Variants in DCPS observed in about 807,000 individuals in gnomAD.
The protein encoded by DCPS is decapping enzyme, scavenger, also known as m7GpppX diphosphatase.
DCPS carries 27 observed loss-of-function variants against 34.7 expected under a neutral mutation model. The observed-to-expected ratio is 0.78, with a 90% CI of 0.57 to 1.07. The LOEUF (loss-of-function observed/expected upper bound fraction) is 1.07, where lower values mean the gene tolerates loss of function less well. Among genes scored for constraint, DCPS ranks in the 50% least tolerant of loss-of-function variants. The pLI, the probability that DCPS is intolerant of heterozygous loss-of-function variation, is 0.00. For synonymous variants in DCPS, 185 were observed against 185.7 expected, an observed-to-expected ratio of 1.00 and a Z score of 0.03; for missense variants, 464 against 436.9, an observed-to-expected ratio of 1.06 and a Z score of -0.55.
intron 2 of DCPS, among the ~76,000 whole-genome samples, chr11:126,330,487 A>G (rs537215643): frequency 6.6e-6 from 1 of 151,762 alleles, no homozygotes; most frequent in Non-Finnish European, 1.5e-5. Flanking sequence ...AGCTTTTACT[A>G]TCCTCATTTG....
chr11:126,343,492 TCCTCACCTTTC>T, intron 5 of DCPS, 75 bp downstream of exon 5: 1 of 1,238,864 alleles, frequency 8.1e-7, no homozygotes, highest in Middle Eastern at 1.9e-4. Context: ...TGGGCCCCTT[TCCTCACCTTTC>T]CCAGAGTCCA....
chr11:126,318,580 C>T (rs773222650), intron 2 of DCPS, among the ~76,000 whole-genome samples: 2 of 152,206 alleles, frequency 1.3e-5, no homozygotes, highest in Admixed American at 6.5e-5. Context: ...TTGCGAAGTC[C>T]GGTTATCTGA....
In DCPS at chr11:126,323,829, TG is replaced by T. The variant is rs1456362808; in HGVS notation, c.377-7575del. Among the ~76,000 whole-genome samples, 1 of 152,030 alleles carries T rather than the reference TG, an allele frequency of 6.6e-6. No homozygotes were observed. The highest frequency in any genetic ancestry group is 1.5e-5 in the Non-Finnish European group (1 of 68,018). On this transcript the variant is annotated intron_variant, in intron 2 of 5. Coordinates refer to ENST00000263579, the MANE Select transcript of DCPS (RefSeq NM_014026.6). This position sits in a 1 kb window ranked among gnomAD's most constrained non-coding sequence, Gnocchi z 4.4. ...GAGCCACCAAACCTGACCCTAAAGT[TG>T]TTTTTTTGTTTGTTTTTTGAGATGG...
chr11:126,319,900 G>A lies in DCPS; in HGVS notation c.377-11505G>A, dbSNP rs1372626107. Among the ~76,000 whole-genome samples the A allele has an allele frequency of 1.3e-5, 2 of 152,062 alleles. No homozygotes were observed. Among genetic ancestry groups the A allele is most frequent in the Non-Finnish European group, 2.9e-5 (2 of 68,024 alleles). On this transcript the variant is annotated intron_variant, in intron 2 of 5. Coordinates refer to ENST00000263579, the MANE Select transcript of DCPS (RefSeq NM_014026.6). This position sits in a 1 kb window ranked among gnomAD's most constrained non-coding sequence, Gnocchi z 4.5. ...CATCTCTGGGGCTCAGTTTTAAGGG[G>A]TAGCTTCCTTTTAACGTATTTGTTA... is the stretch of plus-strand genomic sequence containing the variant.
intron 4 of DCPS, 138 bp from the exon 5 acceptor site, chr11:126,343,169 C>CAGA (rs1048474983): frequency 3.0e-6 from 2 of 667,824 alleles, no homozygotes; most frequent in Non-Finnish European, 5.4e-6. Context: ...CCGGGGTATG[C>CAGA]AGATGCCCTG....
chr11:126,307,653 C>T (rs1014001676), intron 2 of DCPS, among the ~76,000 whole-genome samples: 2 of 152,120 alleles, frequency 1.3e-5, no homozygotes, highest in South Asian at 2.1e-4. Flanking sequence ...GTGATCCACC[C>T]GTCTTGGCCT....
rs1179855124 is a variant in DCPS, at chr11:126,323,376, T to C, written c.377-8029T>C. Among the ~76,000 whole-genome samples the C allele has an allele frequency of 6.6e-6, 1 of 152,160 alleles. No individual in the cohort carries two copies. The highest frequency in any genetic ancestry group is 1.9e-4 in the East Asian group (1 of 5,198). On this transcript the variant is annotated intron_variant, in intron 2 of 5. Coordinates refer to ENST00000263579, the MANE Select transcript of DCPS (RefSeq NM_014026.6). The surrounding 1 kb of genome is among the most constrained non-coding windows in gnomAD (Gnocchi z 4.4). ...GGTAGAAAGTTCAGCTTTAGAAACA[T>C]TGTGTTTATTTCCATTGTAATATTA...
rs201746166 is a variant in DCPS, at chr11:126,345,571, C to T, written c.972C>T (p.Asp324=). The T allele has an allele frequency of 1.3e-4, 214 of 1,613,588 alleles. No individual in the cohort carries two copies. The highest frequency in any genetic ancestry group is 5.8e-4 in the East Asian group (26 of 44,886). The change falls in exon 6 of 6, where the codon GAC becomes GAT. Residue 324 remains aspartate, a synonymous_variant. Transcript: ENST00000263579. This position sits in a 1 kb window ranked among gnomAD's most constrained non-coding sequence, Gnocchi z 7.4. The part of the protein sequence containing the change: ...QRTLTFALRA[D]DPLLKLLQEA... ...CGCTCACCTTCGCCCTCAGGGCTGA[C>T]GACCCCCTGCTCAAGCTCTTGCAGG...
intron 2 of DCPS, among the ~76,000 whole-genome samples, chr11:126,321,186 C>G (rs1456681128): frequency 6.7e-6 from 1 of 149,002 alleles, no homozygotes; most frequent in African/African-American, 2.5e-5. Context: ...GTCTGTTTGG[C>G]AGAGGTTGCA....
rs556652612 is a variant in DCPS, at chr11:126,344,167, C to T, written c.747+750C>T. 4.6e-5 allele frequency among the ~76,000 whole-genome samples: 7 copies of T among 152,280 alleles called. No individual in the cohort carries two copies. In the South Asian group the frequency reaches 1.5e-3, roughly 32 times the overall value. On this transcript the variant is annotated intron_variant, in intron 5 of 5. Transcript: ENST00000263579. This position sits in a 1 kb window ranked among gnomAD's most constrained non-coding sequence, Gnocchi z 8.1. ...GCTAGCAGTCACAACGATGCCCAGC[C>T]AGGAGAGAGGTTTGCCCCTTTTTGA...
chr11:126,314,416 C>CTTGCCTCTTTCTTATAGTCTGGTAGATT (rs1565372283), intron 2 of DCPS, among the ~76,000 whole-genome samples: 1 of 152,134 alleles, frequency 6.6e-6, no homozygotes, highest in African/African-American at 2.4e-5. Flanking sequence ...ACAACCATTA[C>CTTGCCTCTTTCTTATAGTCTGGTAGATT]GGGAAACAGT....
At position 126,306,764 on chromosome 11, in the gene DCPS, G is replaced by C; in HGVS notation, c.376+20G>C. 1 of 1,583,862 alleles carries C rather than the reference G, an allele frequency of 6.3e-7. No homozygotes were observed. ...TGAATGGTGAGCAAGAGGTGGCCAG[G>C]GTGGCTGTATGGAGGGAGAATGGGA... On this transcript the variant is annotated intron_variant, in intron 2 of 5. Coordinates refer to ENST00000263579, the MANE Select transcript of DCPS (RefSeq NM_014026.6).
rs538582128 is a variant in DCPS at position 126,342,970 on chromosome 11, T to C, written c.637-337T>C. On this transcript the variant is annotated intron_variant, in intron 4 of 5. Transcript: ENST00000263579. The surrounding 1 kb of genome is among the most constrained non-coding windows in gnomAD (Gnocchi z 4.4). ...CTGTAGTCCCAGCTACTTGGGAGGC[T>C]GAGGCAGAAGAATCGCTTGAACCCA... Among the ~76,000 whole-genome samples the C allele has an allele frequency of 6.7e-6, 1 of 149,966 alleles. No homozygotes were observed. The highest frequency in any genetic ancestry group is 2.1e-4 in the South Asian group (1 of 4,756).
chr11:126,313,946 G>T lies in DCPS; in HGVS notation c.376+7202G>T, dbSNP rs1951637921. On this transcript the variant is annotated intron_variant, in intron 2 of 5. Transcript: ENST00000263579. The surrounding 1 kb of genome is among the most constrained non-coding windows in gnomAD (Gnocchi z 4.9). ...AGATGGACTAGAAAGATCGTCCCAT[G>T]AATTTCAAGGGCTGCATCCTCATTC... Among the ~76,000 whole-genome samples, 1 of 152,204 alleles carries T rather than the reference G, an allele frequency of 6.6e-6. No homozygotes were observed. The highest frequency in any genetic ancestry group is 6.5e-5 in the Admixed American group (1 of 15,284).
At chr11:126,343,498 C>A (rs1024577761) in intron 5 of DCPS, 81 bp downstream of exon 5, 72 of 1,221,542 alleles carry the variant, frequency 5.9e-5, no homozygotes, top group Non-Finnish European at 8.0e-5. Context: ...CCTTTCCTCA[C>A]CTTTCCCAGA....
At position 126,335,461 on chromosome 11, in the gene DCPS, C is replaced by T; in HGVS notation, c.523-2825C>T. On this transcript the variant is annotated intron_variant, in intron 3 of 5. Transcript: ENST00000263579. This position sits in a 1 kb window ranked among gnomAD's most constrained non-coding sequence, Gnocchi z 4.8. Reference sequence around the variant, plus strand: ...TCATTCTCCTTTTTTTTTATCTGGGCCCCTGGCCTGGAGGCTTCCCGTGGA... The same window carrying T: ...TCATTCTCCTTTTTTTTTATCTGGGTCCCTGGCCTGGAGGCTTCCCGTGGA... 6.6e-6 allele frequency among the ~76,000 whole-genome samples: 1 copy of T among 152,146 alleles called. No homozygotes were observed. Among genetic ancestry groups the T allele is most frequent in the East Asian group, 1.9e-4 (1 of 5,196 alleles).
rs1951913626 is a variant in DCPS at position 126,345,458 on chromosome 11, GCC to G, written c.863_864del (p.Pro288ArgfsTer12). 1 of 1,614,030 alleles carries G rather than the reference GCC, an allele frequency of 6.2e-7. No homozygotes were observed. Among genetic ancestry groups the G allele is most frequent in the Non-Finnish European group, 8.5e-7 (1 of 1,180,034 alleles). On this transcript the variant is annotated frameshift_variant, in exon 6 of 6. Transcript: ENST00000263579. LOFTEE classifies it high-confidence loss of function. This position sits in a 1 kb window ranked among gnomAD's most constrained non-coding sequence, Gnocchi z 7.4. ...HVHFTALGFE[A>X]PGSGVERAHL... Reference sequence around the variant, plus strand: ...GCACTTCACCGCCCTGGGCTTCGAGGCCCCCGGCTCAGGCGTGGAGCGGGCCC... The same window carrying G: ...GCACTTCACCGCCCTGGGCTTCGAGGCCCGGCTCAGGCGTGGAGCGGGCCC...
At chr11:126,314,377 C>T (rs1951642556) in intron 2 of DCPS, among the ~76,000 whole-genome samples, 1 of 152,204 alleles carries the variant, frequency 6.6e-6, no homozygotes, top group South Asian at 2.1e-4. Flanking sequence ...GGGAACACTT[C>T]TACACTGTTG....
chr11:126,310,573 C>T (rs1363682042), intron 2 of DCPS, among the ~76,000 whole-genome samples: 1 of 152,174 alleles, frequency 6.6e-6, no homozygotes. Context: ...GCCATGTCGC[C>T]CATATTAGGT....
Sources: gnomAD v4.1 joint callset for allele counts (sites outside exome capture counted in the v4.1 genomes callset) on GRCh38, gnomAD v4.1.1 for gene constraint, Gnocchi (gnomAD v3.1) non-coding constraint, MANE v1.5 for transcripts, NCBI Gene and HGNC (gene_info 2026-07-23, HGNC 2026-07-21) for gene names.